Variants in HCRTR2 observed in about 807,000 individuals in gnomAD.
The protein encoded by HCRTR2 is orexin receptor type 2.
HCRTR2 carries 22 observed loss-of-function variants against 49.0 expected under a neutral mutation model. That is an observed-to-expected ratio of 0.45 (90% confidence interval 0.32 to 0.64). The LOEUF is 0.64. Ranked by LOEUF, HCRTR2 falls within the 30% of genes least tolerant of loss-of-function variation. The pLI is 0.04. For synonymous variants in HCRTR2, 236 were observed against 205.3 expected (o/e 1.15, Z -1.28); for missense variants, 491 against 559.4 (o/e 0.88, Z 1.23).
intron 1 of HCRTR2, among the ~76,000 whole-genome samples, chr6:55,245,724 G>A (rs988361445): frequency 6.6e-6 from 1 of 151,490 alleles, no homozygotes; most frequent in African/African-American, 2.4e-5. Context: ...GGAATGAAAA[G>A]CCCATAAGTT....
At chr6:55,112,721 C>T (rs1208316169) in intron 1 of HCRTR2, among the ~76,000 whole-genome samples, 13 of 151,718 alleles carry the variant, frequency 8.6e-5, no homozygotes, top group South Asian at 2.1e-4. Context: ...ACTGCAAAAG[C>T]GATCTACAAG....
downstream of HCRTR2, among the ~76,000 whole-genome samples, chr6:55,284,044 A>G (rs1392952538): frequency 6.6e-6 from 1 of 152,150 alleles, no homozygotes; most frequent in African/African-American, 2.4e-5. Context: ...TTTCTTATTT[A>G]TGCTGCATGA....
At position 55,174,835 on chromosome 6, in the gene HCRTR2, C is replaced by T. The variant is rs201269848; in HGVS notation, c.223+25C>T. ...GGTGAGTCTCCTCCCGGGCAGCCCT[C>T]CTAGGGGCTATCACCCCCTCTCCGC... On this transcript the variant is annotated intron_variant, in intron 1 of 6. Transcript: ENST00000370862. 1.3e-5 allele frequency: 20 copies of T among 1,586,576 alleles called. No individual in the cohort carries two copies. The African/African-American group carries it at 2.7e-4, about 21-fold the overall frequency.
intron 1 of HCRTR2, among the ~76,000 whole-genome samples, chr6:55,220,942 C>T (rs994372362): frequency 2.0e-5 from 3 of 152,156 alleles, no homozygotes; most frequent in Admixed American, 2.0e-4. Context: ...TACAATCCCA[C>T]TTACAATATT....
chr6:55,183,886 GT>G (rs1398879757), intron 1 of HCRTR2, among the ~76,000 whole-genome samples: 2 of 152,024 alleles, frequency 1.3e-5, no homozygotes, highest in Middle Eastern at 3.2e-3. Flanking sequence ...TGCTGTTTTT[GT>G]TTTGCTGAAT....
At chr6:55,185,019 T>G (rs569711567) in intron 1 of HCRTR2, among the ~76,000 whole-genome samples, 2 of 152,314 alleles carry the variant, frequency 1.3e-5, no homozygotes, top group Admixed American at 6.5e-5. Context: ...ATGTGAAGAT[T>G]GTGCTGATCT....
intron 1 of HCRTR2, among the ~76,000 whole-genome samples, chr6:55,132,029 A>G (rs1298383915): frequency 1.3e-5 from 2 of 151,872 alleles, no homozygotes; most frequent in African/African-American, 4.8e-5. Flanking sequence ...GACTAAATAA[A>G]TAGCATGAGT....
At chr6:55,172,356 C>T (rs1166511653), upstream of HCRTR2, among the ~76,000 whole-genome samples, 2 of 152,132 alleles carry the variant, frequency 1.3e-5, no homozygotes, top group East Asian at 1.9e-4. Flanking sequence ...CCCTTCCTAA[C>T]GTTTTCCCTA....
intron 1 of HCRTR2, among the ~76,000 whole-genome samples, chr6:55,134,850 T>A (rs1361837706): frequency 6.6e-6 from 1 of 152,076 alleles, no homozygotes; most frequent in Non-Finnish European, 1.5e-5. Context: ...ATTCTCTCTC[T>A]CTTTCTCTGT....
intron 1 of HCRTR2, among the ~76,000 whole-genome samples, chr6:55,243,414 A>T (rs1243339765): frequency 6.6e-6 from 1 of 152,188 alleles, no homozygotes; most frequent in Non-Finnish European, 1.5e-5. Flanking sequence ...AAAGTTCATC[A>T]GAGGACACAG....
At chr6:55,248,322 AC>A (rs1766484248) in intron 1 of HCRTR2, among the ~76,000 whole-genome samples, 1 of 152,094 alleles carries the variant, frequency 6.6e-6, no homozygotes, top group South Asian at 2.1e-4. Context: ...AGACTCTACT[AC>A]ATATTGAGTA....
intron 1 of HCRTR2, among the ~76,000 whole-genome samples, chr6:55,158,871 G>A (rs1051353205): frequency 6.6e-6 from 1 of 152,192 alleles, no homozygotes; most frequent in African/African-American, 2.4e-5. Context: ...GGCAGCTGTG[G>A]GTGCAGCTTC....
intron 1 of HCRTR2, among the ~76,000 whole-genome samples, chr6:55,229,639 G>A (rs1168866774): frequency 1.3e-5 from 2 of 152,082 alleles, no homozygotes; most frequent in Admixed American, 1.3e-4. Context: ...AGGTATAGAA[G>A]GACAATTATT....
rs545651862 is a variant in HCRTR2 at position 55,200,536 on chromosome 6, T to A, written c.223+25726T>A. 2.0e-5 allele frequency among the ~76,000 whole-genome samples: 3 copies of A among 152,316 alleles called. No individual in the cohort carries two copies. The South Asian group carries it at 6.2e-4, about 32-fold the overall frequency. On this transcript the variant is annotated intron_variant, in intron 1 of 6. Transcript: ENST00000370862. ...AGAAGGTGGGACTCACAATTGTAAT[T>A]CTGCTAATGGTTGTCTTTCAGTCTA...
chr6:55,283,205 C>T (rs538277125), downstream of HCRTR2, among the ~76,000 whole-genome samples: 1 of 152,132 alleles, frequency 6.6e-6, no homozygotes, highest in Non-Finnish European at 1.5e-5. Context: ...ATATAGTCAG[C>T]CTTGCTGGAT....
At chr6:55,111,094 T>A (rs938100799) in intron 1 of HCRTR2, among the ~76,000 whole-genome samples, 4 of 151,938 alleles carry the variant, frequency 2.6e-5, no homozygotes, top group African/African-American at 9.7e-5. Context: ...TGCAAATACA[T>A]GGAAATTAAA....
chr6:55,224,325 T>C (rs1049034838), intron 1 of HCRTR2, among the ~76,000 whole-genome samples: 3 of 151,956 alleles, frequency 2.0e-5, no homozygotes, highest in Non-Finnish European at 4.4e-5. Flanking sequence ...TGGATAAACG[T>C]AGAAAACATG....
chr6:55,153,784 A>G (rs1212247896), intron 1 of HCRTR2, among the ~76,000 whole-genome samples: 1 of 151,918 alleles, frequency 6.6e-6, no homozygotes, highest in Non-Finnish European at 1.5e-5. Flanking sequence ...AAGAAAGACA[A>G]TAACAAAGGT....
At chr6:55,153,664 T>A (rs1441913167) in intron 1 of HCRTR2, among the ~76,000 whole-genome samples, 1 of 151,968 alleles carries the variant, frequency 6.6e-6, no homozygotes, top group African/African-American at 2.4e-5. Context: ...TCTAGCTGTG[T>A]TCTTATGATT....
Sources: gnomAD v4.1 joint callset for allele counts (sites outside exome capture counted in the v4.1 genomes callset) on GRCh38, gnomAD v4.1.1 for gene constraint, MANE v1.5 for transcripts, NCBI Gene and HGNC (gene_info 2026-07-23, HGNC 2026-07-21) for gene names.